The following FGF12 variants were observed in gnomAD, a reference collection of about 807,000 sequenced individuals.
FGF12 encodes the protein fibroblast growth factor 12B.
FGF12 carries 14 observed loss-of-function variants against 23.6 expected under a neutral mutation model. That is an observed-to-expected ratio of 0.59 (90% CI 0.39 to 0.93). FGF12 has a LOEUF of 0.93. Among genes scored for constraint, FGF12 ranks in the 40% least tolerant of loss-of-function variants. FGF12 has a pLI of 0.00. For synonymous variants in FGF12, 62 were observed against 77.3 expected (o/e 0.80, Z 1.04); for missense variants, 175 against 217.8 (o/e 0.80, Z 1.24).
At chr3:192,593,693 G>A (rs902402590) in intron 2 of FGF12, among the ~76,000 whole-genome samples, 7 of 151,762 alleles carry the variant, frequency 4.6e-5, no homozygotes, top group African/African-American at 1.7e-4. Flanking sequence ...GCCTGCATTG[G>A]GTTTCAAAAT....
chr3:192,642,578 A>G (rs1407099585), intron 2 of FGF12, among the ~76,000 whole-genome samples: 1 of 152,244 alleles, frequency 6.6e-6, no homozygotes, highest in East Asian at 1.9e-4. Context: ...TTTAAAATTT[A>G]TACCATGCAC....
At chr3:192,406,945 C>G (rs1209406197) in intron 2 of FGF12, among the ~76,000 whole-genome samples, 1 of 152,170 alleles carries the variant, frequency 6.6e-6, no homozygotes, top group South Asian at 2.1e-4. Context: ...CCTTTCCAGA[C>G]AGTATTTCCT....
intron 4 of FGF12, among the ~76,000 whole-genome samples, chr3:192,290,136 G>T (rs1424848387): frequency 6.6e-6 from 1 of 152,052 alleles, no homozygotes; most frequent in African/African-American, 2.4e-5. Context: ...ACAGCAGGGT[G>T]ATTATAATCA....
intron 2 of FGF12, among the ~76,000 whole-genome samples, chr3:192,627,629 T>C (rs939899470): frequency 1.3e-5 from 2 of 152,196 alleles, no homozygotes; most frequent in Non-Finnish European, 2.9e-5. Flanking sequence ...ACTAACAGTT[T>C]TCTAACTTGC....
intron 2 of FGF12, among the ~76,000 whole-genome samples, chr3:192,593,940 C>A (rs1278528587): frequency 2.6e-5 from 4 of 151,890 alleles, no homozygotes; most frequent in Non-Finnish European, 5.9e-5. Flanking sequence ...TGGTTTTGGT[C>A]TTACTTTGTC....
chr3:192,401,519 T>C (rs1457981510), intron 2 of FGF12, among the ~76,000 whole-genome samples: 1 of 152,232 alleles, frequency 6.6e-6, no homozygotes, highest in African/African-American at 2.4e-5. Context: ...GCCTCTGTAC[T>C]GTATGGTACT....
intron 4 of FGF12, among the ~76,000 whole-genome samples, chr3:192,252,503 AGAGAAGAC>A (rs1712098765): frequency 6.7e-6 from 1 of 148,902 alleles, no homozygotes; most frequent in Non-Finnish European, 1.5e-5. Context: ...AGAAAAGAGA[AGAGAAGAC>A]AAGAGAAGAC....
At chr3:192,719,008 A>C (rs1048173339) in intron 2 of FGF12, among the ~76,000 whole-genome samples, 3 of 152,056 alleles carry the variant, frequency 2.0e-5, no homozygotes, top group Non-Finnish European at 4.4e-5. Flanking sequence ...AAAGAGAGAG[A>C]GGTTTAGTAC....
chr3:192,488,956 A>C (rs1433618601), intron 2 of FGF12, among the ~76,000 whole-genome samples: 1 of 152,014 alleles, frequency 6.6e-6, no homozygotes, highest in East Asian at 1.9e-4. Flanking sequence ...TGAAAGACCA[A>C]ATTGGGGCTA....
chr3:192,686,678 G>A (rs1717748176), intron 2 of FGF12, among the ~76,000 whole-genome samples: 1 of 152,006 alleles, frequency 6.6e-6, no homozygotes, highest in South Asian at 2.1e-4. Context: ...TCAGCAAGGA[G>A]ATGTGTAAGG....
rs189840902 is a variant in FGF12 at position 192,477,997 on chromosome 3, T to G, written c.14-117459A>C. Among the ~76,000 whole-genome samples the G allele has an allele frequency of 4.6e-5, 7 of 152,312 alleles. No individual in the cohort carries two copies. The East Asian group carries it at 1.2e-3, about 25-fold the overall frequency. ...ATAGGTTACCTCTTTGTGTGACTGA[T>G]AAGCACACTGGCTTATGAAAAATGT... On this transcript the variant is annotated intron_variant, in intron 2 of 5. Coordinates refer to ENST00000445105, the MANE Select transcript of FGF12 (RefSeq NM_004113.6).
intron 2 of FGF12, among the ~76,000 whole-genome samples, chr3:192,435,316 T>C (rs1721982986): frequency 6.6e-6 from 1 of 152,180 alleles, no homozygotes; most frequent in Non-Finnish European, 1.5e-5. Context: ...AATGAATTTG[T>C]AATTACTGCT....
rs142804934 is a variant in FGF12, at chr3:192,619,917, G to A, written c.13+107264C>T. On this transcript the variant is annotated intron_variant, in intron 2 of 5. Coordinates refer to ENST00000445105, the MANE Select transcript of FGF12 (RefSeq NM_004113.6). ...TAATCAGTTCCCAAACCAACAAGTT[G>A]ACAGCTTCTCCTTAACCCTTGGGGA... Among the ~76,000 whole-genome samples the A allele has an allele frequency of 1.4e-3, 210 of 152,268 alleles. 2 individuals carry two copies. Among genetic ancestry groups the A allele is most frequent in the Admixed American group, 3.1e-3 (48 of 15,294 alleles).
chr3:192,633,677 CG>C (rs983853968), intron 2 of FGF12, among the ~76,000 whole-genome samples: 2 of 152,134 alleles, frequency 1.3e-5, no homozygotes, highest in African/African-American at 4.8e-5. Flanking sequence ...CAAAAGCCCC[CG>C]CTTCATTCAA....
intron 2 of FGF12, among the ~76,000 whole-genome samples, chr3:192,563,512 C>T (rs1712138110): frequency 6.6e-6 from 1 of 151,900 alleles, no homozygotes; most frequent in Non-Finnish European, 1.5e-5. Context: ...AATTGTACTC[C>T]CTAAAGAGGA....
intron 4 of FGF12, among the ~76,000 whole-genome samples, chr3:192,198,010 CT>C (rs923576145): frequency 2.4e-3 from 317 of 134,028 alleles, no homozygotes; most frequent in African/African-American, 3.6e-3. Context: ...ACAAAGCCAA[CT>C]TTTTTTTTTT....
intron 4 of FGF12, among the ~76,000 whole-genome samples, chr3:192,267,725 T>G (rs925127958): frequency 6.6e-6 from 1 of 152,180 alleles, no homozygotes; most frequent in East Asian, 1.9e-4. Flanking sequence ...CATATGCACA[T>G]ACATCAATTT....
At chr3:192,600,444 T>A (rs138529481) in intron 2 of FGF12, among the ~76,000 whole-genome samples, 4 of 152,242 alleles carry the variant, frequency 2.6e-5, no homozygotes, top group Non-Finnish European at 4.4e-5. Context: ...GGTATTTTGA[T>A]AGAGATTTCA....
rs1280668244 is a variant in FGF12, at chr3:192,233,301, T to C, written c.229-62645A>G. On this transcript the variant is annotated intron_variant, in intron 4 of 5. Transcript: ENST00000445105. ...GTTTTTATTTACATTTCTCTAATGT[T>C]AGTGATGTTGAACATTTTTCATATG... Among the ~76,000 whole-genome samples, 5 of 152,158 alleles carry C rather than the reference T, an allele frequency of 3.3e-5. No homozygotes were observed. The East Asian group carries it at 9.6e-4, about 29-fold the overall frequency.
Sources: gnomAD v4.1 joint callset for allele counts (sites outside exome capture counted in the v4.1 genomes callset) on GRCh38, gnomAD v4.1.1 for gene constraint, MANE v1.5 for transcripts, NCBI Gene and HGNC (gene_info 2026-07-23, HGNC 2026-07-21) for gene names.